TMEM132B: variants seen among roughly 807,000 people sequenced by gnomAD.
The protein encoded by TMEM132B is transmembrane protein 132B.
Under a neutral mutation model 90.8 loss-of-function variants are expected in TMEM132B, and 18 were observed. The ratio of observed to expected loss-of-function variants is 0.20; its 90% CI spans 0.14 to 0.29. TMEM132B has a LOEUF of 0.29. Ranked by LOEUF, TMEM132B falls within the 10% of genes least tolerant of loss-of-function variation. The pLI is 1.00. For missense variants in TMEM132B, 1,096 were observed against 1,326.8 expected (o/e 0.83, Z 2.70); for synonymous variants, 504 against 523.3 (o/e 0.96, Z 0.50).
chr12:125,477,785 C>G (rs535760665), intron 3 of TMEM132B, among the ~76,000 whole-genome samples: 39 of 152,306 alleles, frequency 2.6e-4, no homozygotes, highest in Non-Finnish European at 4.4e-4. Flanking sequence ...TGGACTGCCC[C>G]CTCAAGTGGG....
At chr12:125,638,355 A>G (rs897563467) in intron 5 of TMEM132B, among the ~76,000 whole-genome samples, 5 of 152,226 alleles carry the variant, frequency 3.3e-5, no homozygotes, top group African/African-American at 9.6e-5. Context: ...TACATGATAT[A>G]TATTATTATT....
Position 125,572,410 on chromosome 12 carries a change from C to T in TMEM132B, c.1294-11441C>T, listed in dbSNP as rs115317330. On this transcript the variant is annotated intron_variant, in intron 4 of 8. Coordinates refer to ENST00000682704, the MANE Select transcript of TMEM132B (RefSeq NM_001366854.1). ...TTTTTGCCCTCTGCCTTCTGCAATCCTCTCCAGAGGCTACGCCGTTCAAGG... is the reference window on the plus strand; with the variant it reads ...TTTTTGCCCTCTGCCTTCTGCAATCTTCTCCAGAGGCTACGCCGTTCAAGG... 1.0e-3 allele frequency among the ~76,000 whole-genome samples: 155 copies of T among 152,308 alleles called. 1 individual carries two copies. The highest frequency in any genetic ancestry group is 3.6e-3 in the African/African-American group (149 of 41,572).
At chr12:125,591,636 C>T (rs796171382) in intron 5 of TMEM132B, among the ~76,000 whole-genome samples, 10 of 152,274 alleles carry the variant, frequency 6.6e-5, no homozygotes, top group African/African-American at 2.2e-4. Flanking sequence ...GTTCTGGAGG[C>T]CAGAAATCTG....
At chr12:125,202,466 A>G (rs755422039) in intron 1 of TMEM132B, among the ~76,000 whole-genome samples, 1 of 152,152 alleles carries the variant, frequency 6.6e-6, no homozygotes, top group Non-Finnish European at 1.5e-5. Context: ...TGGACTGGGG[A>G]ATGATCTGCT....
At chr12:125,599,776 C>CT (rs963538898) in intron 5 of TMEM132B, among the ~76,000 whole-genome samples, 7 of 152,018 alleles carry the variant, frequency 4.6e-5, no homozygotes, top group South Asian at 2.1e-4. Context: ...TTACCTGGGC[C>CT]TTTTTTTCAG....
intron 3 of TMEM132B, among the ~76,000 whole-genome samples, chr12:125,423,391 C>T (rs544531102): frequency 2.0e-5 from 3 of 152,202 alleles, no homozygotes; most frequent in Non-Finnish European, 4.4e-5. Context: ...GTAGGGAGAG[C>T]CACACTTAAC....
chr12:125,591,145 C>CT (rs1005356087), intron 5 of TMEM132B, among the ~76,000 whole-genome samples: 3 of 152,040 alleles, frequency 2.0e-5, no homozygotes, highest in Admixed American at 2.0e-4. Context: ...TGATAGTGGA[C>CT]TTTTTTTGAA....
At chr12:125,454,142 C>T (rs562769012) in intron 3 of TMEM132B, among the ~76,000 whole-genome samples, 8 of 152,234 alleles carry the variant, frequency 5.3e-5, no homozygotes, top group South Asian at 2.1e-4. Context: ...ATGAATGCCA[C>T]GTTTCTGTTT....
chr12:125,653,687 G>C lies in TMEM132B; in HGVS notation c.2229G>C (p.Gln743His), dbSNP rs1424639870. 6.2e-7 allele frequency: 1 copy of C among 1,614,198 alleles called. No homozygotes were observed. The highest frequency in any genetic ancestry group is 8.5e-7 in the Non-Finnish European group (1 of 1,180,042). Reference protein sequence around the residue: ...SSLDEMVVSVQANLESKWPIV... With the variant: ...SSLDEMVVSVHANLESKWPIV... Reference sequence around the variant, plus strand: ...TGGATGAAATGGTGGTGTCTGTCCAGGCAAACCTTGAGTCCAAATGGCCAA... The same window carrying C: ...TGGATGAAATGGTGGTGTCTGTCCACGCAAACCTTGAGTCCAAATGGCCAA... Residue 743 changes from glutamine (Q) to histidine (H), a missense_variant, in exon 9 of 9, where the codon CAG becomes CAC. Coordinates refer to ENST00000682704, the MANE Select transcript of TMEM132B (RefSeq NM_001366854.1).
intron 2 of TMEM132B, among the ~76,000 whole-genome samples, chr12:125,380,316 T>C (rs1878640459): frequency 6.6e-6 from 1 of 152,220 alleles, no homozygotes. Flanking sequence ...TGTGTGTCTC[T>C]TATAAGTACA....
At chr12:125,488,437 G>A (rs527529853) in intron 3 of TMEM132B, among the ~76,000 whole-genome samples, 5 of 152,264 alleles carry the variant, frequency 3.3e-5, no homozygotes, top group East Asian at 3.9e-4. Context: ...CTCATGTGTC[G>A]TTTGAGGAAC....
intron 3 of TMEM132B, among the ~76,000 whole-genome samples, chr12:125,444,429 G>A (rs977154403): frequency 2.0e-5 from 3 of 151,820 alleles, no homozygotes; most frequent in Non-Finnish European, 4.4e-5. Context: ...TAAATCTTTC[G>A]ATAGCCTCTT....
rs116497738 is a variant in TMEM132B at position 125,572,897 on chromosome 12, A to G, written c.1294-10954A>G. Reference sequence around the variant, plus strand: ...TGGACTCAGAAGCTTATTTTATTCTACAGATTATAATTGACTACTGTGATT... The same window carrying G: ...TGGACTCAGAAGCTTATTTTATTCTGCAGATTATAATTGACTACTGTGATT... On this transcript the variant is annotated intron_variant, in intron 4 of 8. Transcript: ENST00000682704. 4.6e-3 allele frequency among the ~76,000 whole-genome samples: 702 copies of G among 152,320 alleles called. 5 individuals are homozygous for G. Among genetic ancestry groups the G allele is most frequent in the African/African-American group, 0.016 (667 of 41,576 alleles).
At chr12:125,308,826 A>G (rs922056036) in intron 1 of TMEM132B, among the ~76,000 whole-genome samples, 3 of 152,176 alleles carry the variant, frequency 2.0e-5, no homozygotes, top group Non-Finnish European at 4.4e-5. Flanking sequence ...ACCATCCTCA[A>G]TTCCATCCCC....
At chr12:125,455,108 G>T (rs1342652753) in intron 3 of TMEM132B, among the ~76,000 whole-genome samples, 3 of 152,092 alleles carry the variant, frequency 2.0e-5, no homozygotes, top group Non-Finnish European at 2.9e-5. Flanking sequence ...TTCCTAATTG[G>T]GGGGTAAGGG....
At chr12:125,426,038 C>T (rs1247568229) in intron 3 of TMEM132B, among the ~76,000 whole-genome samples, 1 of 152,166 alleles carries the variant, frequency 6.6e-6, no homozygotes, top group Non-Finnish European at 1.5e-5. Context: ...TCTTCCAAAG[C>T]GGGTGTAGCA....
At chr12:125,638,086 G>A (rs1234378139) in intron 5 of TMEM132B, among the ~76,000 whole-genome samples, 1 of 152,206 alleles carries the variant, frequency 6.6e-6, no homozygotes, top group African/African-American at 2.4e-5. Flanking sequence ...TCTGGAGGAA[G>A]GGCCATGTTG....
In TMEM132B at chr12:125,351,130, A is replaced by G. The variant is rs375995734; in HGVS notation, c.959+787A>G. Among the ~76,000 whole-genome samples the G allele has an allele frequency of 4.7e-4, 71 of 152,372 alleles. No homozygotes were observed. In the Middle Eastern group the frequency reaches 0.01, roughly 22 times the overall value. ...CACAAGACAATAGACCAGGGGTCAG[A>G]AAGCTTCTGGAAAGGGCCACATGGT... On this transcript the variant is annotated intron_variant, in intron 2 of 8. Coordinates refer to ENST00000682704, the MANE Select transcript of TMEM132B (RefSeq NM_001366854.1).
intron 4 of TMEM132B, among the ~76,000 whole-genome samples, chr12:125,560,742 G>A (rs1353418870): frequency 4.2e-5 from 6 of 142,580 alleles, no homozygotes; most frequent in Non-Finnish European, 6.1e-5. Flanking sequence ...GGACAATGGC[G>A]TGAACCAGGG....
Sources: allele counts gnomAD v4.1 joint callset (sites outside exome capture counted in the v4.1 genomes callset), GRCh38; gene constraint gnomAD v4.1.1; transcripts MANE v1.5; gene names NCBI Gene and HGNC (gene_info 2026-07-23, HGNC 2026-07-21).